The following MYO18B variants were observed in gnomAD, a reference collection of about 807,000 sequenced individuals.
The protein encoded by MYO18B is unconventional myosin-XVIIIb.
Under a neutral mutation model 273.0 loss-of-function variants are expected in MYO18B, and 204 were observed. The observed-to-expected ratio is 0.75, with a 90% confidence interval of 0.67 to 0.84. The LOEUF (loss-of-function observed/expected upper bound fraction) is 0.84, where lower values mean the gene tolerates loss of function less well. Among genes scored for constraint, MYO18B ranks in the 40% least tolerant of loss-of-function variants. MYO18B has a pLI of 0.00. For synonymous variants in MYO18B, 1,330 were observed against 1,305.7 expected (o/e 1.02, Z -0.40); for missense variants, 3,212 against 3,287.6 (o/e 0.98, Z 0.56).
chr22:25,953,694 G>T (rs1035224276), intron 38 of MYO18B: 1 of 152,168 alleles, frequency 6.6e-6, no homozygotes, highest in Non-Finnish European at 1.5e-5. Context: ...GTAAAGTTGG[G>T]CTATATCACA....
intron 33 of MYO18B, among the ~76,000 whole-genome samples, chr22:25,916,744 G>A (rs970323095): frequency 6.6e-6 from 1 of 152,104 alleles, no homozygotes; most frequent in Admixed American, 6.5e-5. Context: ...ATAAAGGATT[G>A]TGTGTGGCTG....
At chr22:26,033,770 ATCTTTTTCTT>A (rs1936714843), downstream of MYO18B, among the ~76,000 whole-genome samples, 1 of 139,306 alleles carries the variant, frequency 7.2e-6, no homozygotes, top group African/African-American at 2.7e-5. Context: ...TTCTCTCTGT[ATCTTTTTCTT>A]TCTTTTTCTG....
the MYO18B span, among the ~76,000 whole-genome samples, chr22:26,041,680 C>T: frequency 1.5e-4 from 23 of 152,144 alleles, no homozygotes; most frequent in South Asian, 6.2e-4. Context: ...GAGACAAGAG[C>T]GGAATTAGGG....
At chr22:25,846,367 C>A in intron 19 of MYO18B, 84 bp downstream of exon 19, 1 of 1,446,266 alleles carries the variant, frequency 6.9e-7, no homozygotes, top group Non-Finnish European at 9.4e-7. Flanking sequence ...GTGCCTACAT[C>A]ATCTCTAACC....
intron 18 of MYO18B, among the ~76,000 whole-genome samples, chr22:25,844,624 G>A (rs1283641105): frequency 6.6e-6 from 1 of 152,188 alleles, no homozygotes; most frequent in South Asian, 2.1e-4. Context: ...TTGAGGCCCC[G>A]AGCAGTGAAG....
At chr22:26,028,118 G>A (rs908567411) in intron 43 of MYO18B, among the ~76,000 whole-genome samples, 5 of 151,930 alleles carry the variant, frequency 3.3e-5, no homozygotes, top group African/African-American at 9.7e-5. Context: ...CTTGACGGGC[G>A]CCTGTAATCC....
intron 25 of MYO18B, among the ~76,000 whole-genome samples, chr22:25,886,702 A>T (rs1487893256): frequency 6.6e-6 from 1 of 152,162 alleles, no homozygotes; most frequent in Non-Finnish European, 1.5e-5. Context: ...TAACCTCCAG[A>T]TGCCAGAGGG....
chr22:25,885,442 T>C (rs5761300), intron 25 of MYO18B, among the ~76,000 whole-genome samples: 58,918 of 151,890 alleles, frequency 0.39, 11,780 homozygotes, highest in African/African-American at 0.46. Context: ...AAGCAGGAGC[T>C]GGCCAGGTGA....
chr22:26,003,420 C>A, intron 41 of MYO18B, 111 bp downstream of exon 41: 2 of 905,908 alleles, frequency 2.2e-6, no homozygotes, highest in Non-Finnish European at 3.6e-6. Context: ...ATCAGTGATG[C>A]CCATGAGACT....
At chr22:25,781,862 C>G in intron 10 of MYO18B, 28 bp downstream of exon 10, 1 of 1,455,720 alleles carries the variant, frequency 6.9e-7, no homozygotes. Flanking sequence ...GAAGAGACAG[C>G]TGAGGGCAGT....
At chr22:25,795,012 G>A (rs1453205623) in intron 11 of MYO18B, among the ~76,000 whole-genome samples, 1 of 152,198 alleles carries the variant, frequency 6.6e-6, no homozygotes, top group East Asian at 1.9e-4. Flanking sequence ...CACATGGGAT[G>A]CAGGCTTTTG....
chr22:25,757,744 G>T (rs558843790), intron 1 of MYO18B, among the ~76,000 whole-genome samples: 32 of 152,328 alleles, frequency 2.1e-4, no homozygotes, highest in African/African-American at 7.5e-4. Context: ...AAAGGCAGAA[G>T]AGACACCTTC....
chr22:25,955,835 G>C (rs1294434096), intron 39 of MYO18B, among the ~76,000 whole-genome samples: 1 of 152,148 alleles, frequency 6.6e-6, no homozygotes, highest in Non-Finnish European at 1.5e-5. Flanking sequence ...CAGAAGGGGA[G>C]ATGACTAGTC....
At chr22:26,019,173 T>C (rs1433613405) in intron 42 of MYO18B, among the ~76,000 whole-genome samples, 1 of 152,066 alleles carries the variant, frequency 6.6e-6, no homozygotes, top group Non-Finnish European at 1.5e-5. Flanking sequence ...GCTGAAAACA[T>C]TATAGGTAGA....
chr22:26,052,031 C>A, the MYO18B span, among the ~76,000 whole-genome samples: 5 of 152,098 alleles, frequency 3.3e-5, no homozygotes, highest in Non-Finnish European at 5.9e-5. Context: ...TAATGAATAT[C>A]CTTGCATATG....
chr22:25,977,035 G>A (rs1405707393), intron 39 of MYO18B, among the ~76,000 whole-genome samples: 8 of 152,180 alleles, frequency 5.3e-5, no homozygotes, highest in Non-Finnish European at 8.8e-5. Context: ...GCTCTGTATT[G>A]AACATAGGGA....
intron 25 of MYO18B, among the ~76,000 whole-genome samples, chr22:25,885,428 G>A (rs927362993): frequency 2.6e-5 from 4 of 152,180 alleles, no homozygotes; most frequent in Non-Finnish European, 5.9e-5. Flanking sequence ...AAGTCATGAA[G>A]GATAAGCAGG....
At chr22:25,784,737 A>AC (rs2087307289) in intron 10 of MYO18B, among the ~76,000 whole-genome samples, 2 of 152,130 alleles carry the variant, frequency 1.3e-5, no homozygotes, top group African/African-American at 2.4e-5. Flanking sequence ...AGCTGTGCCC[A>AC]CCCCGCCTTT....
intron 11 of MYO18B, among the ~76,000 whole-genome samples, chr22:25,786,941 C>T (rs756512391): frequency 1.1e-4 from 16 of 152,292 alleles, no homozygotes; most frequent in African/African-American, 3.4e-4. Context: ...TCAGCCAGTG[C>T]GGTGGCTCAC....
Sources: allele counts gnomAD v4.1 joint callset (sites outside exome capture counted in the v4.1 genomes callset), GRCh38; gene constraint gnomAD v4.1.1; transcripts MANE v1.5; gene names NCBI Gene and HGNC (gene_info 2026-07-23, HGNC 2026-07-21).